THSD4: variants seen among roughly 807,000 people sequenced by gnomAD.
THSD4 encodes thrombospondin type 1 domain containing 4.
In THSD4, 69 loss-of-function variants were observed where a neutral mutation model predicts 119.0. That is an observed-to-expected ratio of 0.58 (90% CI 0.48 to 0.71). The LOEUF is 0.71. THSD4 is among the 30% of genes least tolerant of loss of function. THSD4 has a pLI of 0.00. For missense variants in THSD4, 1,393 were observed against 1,391.1 expected (o/e 1.00, Z -0.02); for synonymous variants, 524 against 540.4 (o/e 0.97, Z 0.42).
At chr15:71,602,573 A>AG (rs1265507920) in intron 7 of THSD4, among the ~76,000 whole-genome samples, 3 of 150,116 alleles carry the variant, frequency 2.0e-5, no homozygotes, top group East Asian at 1.9e-4. Flanking sequence ...AAAAAAAAAA[A>AG]AAAAAAATGA....
chr15:71,399,052 G>A (rs1203044448), intron 6 of THSD4, among the ~76,000 whole-genome samples: 1 of 152,080 alleles, frequency 6.6e-6, no homozygotes, highest in Non-Finnish European at 1.5e-5. Context: ...TGCCATAGCT[G>A]TAGCCCATTG....
intron 17 of THSD4, among the ~76,000 whole-genome samples, chr15:71,774,948 C>T (rs915809846): frequency 2.6e-5 from 4 of 152,084 alleles, no homozygotes; most frequent in Non-Finnish European, 5.9e-5. Context: ...ATATTGAGAC[C>T]AGCCTGGCTA....
intron 7 of THSD4, among the ~76,000 whole-genome samples, chr15:71,519,301 C>T (rs1045880891): frequency 6.6e-6 from 1 of 152,144 alleles, no homozygotes; most frequent in African/African-American, 2.4e-5. Context: ...GATTTTGCTC[C>T]AAGTGTAATG....
At chr15:71,200,138 G>A (rs560614960) in intron 3 of THSD4, among the ~76,000 whole-genome samples, 8 of 152,208 alleles carry the variant, frequency 5.3e-5, no homozygotes, top group African/African-American at 7.2e-5. Context: ...ATTCCTGGGC[G>A]CAGCATGCTT....
intron 7 of THSD4, among the ~76,000 whole-genome samples, chr15:71,537,818 C>A (rs1323980431): frequency 6.6e-6 from 1 of 151,886 alleles, no homozygotes; most frequent in Admixed American, 6.6e-5. Flanking sequence ...GGAGTGCAAT[C>A]ACAATCACGT....
intron 6 of THSD4, among the ~76,000 whole-genome samples, chr15:71,352,521 G>A (rs965779436): frequency 6.6e-6 from 1 of 152,118 alleles, no homozygotes; most frequent in Non-Finnish European, 1.5e-5. Context: ...AAAAGTATGG[G>A]TCTTTAAAAA....
At chr15:71,691,695 G>C (rs1047393033) in intron 8 of THSD4, among the ~76,000 whole-genome samples, 5 of 152,204 alleles carry the variant, frequency 3.3e-5, no homozygotes, top group African/African-American at 1.2e-4. Flanking sequence ...GTTGAACTGT[G>C]CCTTTTCTTC....
chr15:71,538,049 C>T (rs942135044), intron 7 of THSD4, among the ~76,000 whole-genome samples: 10 of 152,070 alleles, frequency 6.6e-5, no homozygotes, highest in South Asian at 2.1e-4. Context: ...CATGAGCCAC[C>T]GTGCCCAGCC....
intron 7 of THSD4, among the ~76,000 whole-genome samples, chr15:71,629,145 A>G (rs1444507461): frequency 6.6e-6 from 1 of 152,156 alleles, no homozygotes; most frequent in Non-Finnish European, 1.5e-5. Flanking sequence ...GCTCAATCTG[A>G]ATAAACAATG....
At chr15:71,221,070 A>C (rs2043971646) in intron 4 of THSD4, among the ~76,000 whole-genome samples, 1 of 152,156 alleles carries the variant, frequency 6.6e-6, no homozygotes, top group South Asian at 2.1e-4. Context: ...CGAGTAGGGA[A>C]GAAAGGTGTT....
intron 4 of THSD4, among the ~76,000 whole-genome samples, chr15:71,224,584 C>T (rs1596277915): frequency 6.6e-6 from 1 of 152,158 alleles, no homozygotes; most frequent in South Asian, 2.1e-4. Flanking sequence ...CACTTAGTTG[C>T]TTAAAAAAAA....
intron 3 of THSD4, among the ~76,000 whole-genome samples, chr15:71,214,768 A>T (rs1344069970): frequency 5.9e-5 from 9 of 151,856 alleles, no homozygotes; most frequent in Non-Finnish European, 1.0e-4. Context: ...GTTAAAGGGG[A>T]CTCCTGAAAC....
chr15:71,755,706 C>CAAAAAAAAAAA (rs10555546), intron 14 of THSD4, among the ~76,000 whole-genome samples: 2 of 50,280 alleles, frequency 4.0e-5, no homozygotes, highest in Non-Finnish European at 7.7e-5. Flanking sequence ...TCAGCAAAGA[C>CAAAAAAAAAAA]AAAAAAAAAA....
rs932868303 is a variant in THSD4, at chr15:71,242,787, C to G, written c.603C>G (p.Ser201=). ...AGCTCTCATCCCGCCATTCCAGGTC[C>G]CAGGGAGCATCTTCTGCTAGGCATG... ...RQKLSSRHSR[S]QGASSARHGY... is the part of the protein sequence containing the mutation. Residue 201 remains serine (S), a synonymous_variant, in exon 5 of 18, where the codon TCC becomes TCG. Transcript: ENST00000261862. 1.2e-6 allele frequency: 2 copies of G among 1,614,094 alleles called. No homozygotes were observed. The highest frequency in any genetic ancestry group is 2.7e-5 in the African/African-American group (2 of 74,936).
chr15:71,620,534 A>T (rs149035850), intron 7 of THSD4, among the ~76,000 whole-genome samples: 1 of 152,212 alleles, frequency 6.6e-6, no homozygotes, highest in East Asian at 1.9e-4. Flanking sequence ...GAGCCCAGGA[A>T]TTCAAGGCCA....
At chr15:71,643,363 A>T (rs756097699) in intron 7 of THSD4, among the ~76,000 whole-genome samples, 2 of 152,170 alleles carry the variant, frequency 1.3e-5, no homozygotes, top group African/African-American at 2.4e-5. Context: ...TTGTATAGGT[A>T]AACTCATGTC....
intron 8 of THSD4, among the ~76,000 whole-genome samples, chr15:71,676,558 G>A (rs1424233224): frequency 6.6e-6 from 1 of 152,174 alleles, no homozygotes; most frequent in Non-Finnish European, 1.5e-5. Context: ...GGGATTACAG[G>A]TGTGAGCTAC....
chr15:71,688,505 A>G (rs2051966240), intron 8 of THSD4, among the ~76,000 whole-genome samples: 1 of 152,254 alleles, frequency 6.6e-6, no homozygotes, highest in East Asian at 1.9e-4. Flanking sequence ...CCAGTTAATG[A>G]AATATTTTCC....
intron 6 of THSD4, among the ~76,000 whole-genome samples, chr15:71,297,964 T>C (rs963097978): frequency 6.6e-6 from 1 of 152,190 alleles, no homozygotes; most frequent in Non-Finnish European, 1.5e-5. Flanking sequence ...GGTTTATCTG[T>C]TTTTTTCCTT....
Sources: allele counts gnomAD v4.1 joint callset (sites outside exome capture counted in the v4.1 genomes callset), GRCh38; gene constraint gnomAD v4.1.1; transcripts MANE v1.5; gene names NCBI Gene and HGNC (gene_info 2026-07-23, HGNC 2026-07-21).